The following CCDC201 variants were observed in gnomAD, a reference collection of about 807,000 sequenced individuals.
CCDC201 encodes the protein coiled-coil domain-containing protein 201.
upstream of CCDC201, among the ~76,000 whole-genome samples, chr7:45,877,301 C>T (rs1583656000): frequency 6.6e-6 from 1 of 152,182 alleles, no homozygotes; most frequent in South Asian, 2.1e-4. Context: ...CAACAGATAA[C>T]ATGTTGTTTT....
At chr7:45,869,395 G>A (rs1553009) in intron 1 of CCDC201, among the ~76,000 whole-genome samples, 23,765 of 152,212 alleles carry the variant, frequency 0.16, 2,165 homozygotes, top group East Asian at 0.27. Context: ...ACAATGAGGT[G>A]TGAACTAGAG....
At chr7:45,884,616 C>T in the CCDC201 span, among the ~76,000 whole-genome samples, 1 of 152,172 alleles carries the variant, frequency 6.6e-6, no homozygotes, top group Non-Finnish European at 1.5e-5. Context: ...CTCTTCCCAG[C>T]TGTCTGCTGT....
chr7:45,869,101 A>C (rs371847713), intron 1 of CCDC201, among the ~76,000 whole-genome samples: 1 of 152,238 alleles, frequency 6.6e-6, no homozygotes, highest in African/African-American at 2.4e-5. Context: ...AAACATGCAC[A>C]ATAGAATATT....
At chr7:45,864,754 C>G (rs1786650778) in intron 2 of CCDC201, among the ~76,000 whole-genome samples, 2 of 152,030 alleles carry the variant, frequency 1.3e-5, no homozygotes, top group Admixed American at 1.3e-4. Flanking sequence ...CATGCAGTAA[C>G]CTCGGAAGAC....
upstream of CCDC201, among the ~76,000 whole-genome samples, chr7:45,874,889 A>G (rs2116529369): frequency 6.6e-6 from 1 of 152,344 alleles, no homozygotes; most frequent in African/African-American, 2.4e-5. Context: ...TGAACCAGCA[A>G]TTCCACTTGT....
chr7:45,863,876 T>C (rs1786633089), intron 2 of CCDC201, among the ~76,000 whole-genome samples: 1 of 151,990 alleles, frequency 6.6e-6, no homozygotes, highest in Non-Finnish European at 1.5e-5. Flanking sequence ...GAGGGCCAGC[T>C]GTAAGAGCAG....
chr7:45,882,535 T>C, the CCDC201 span, among the ~76,000 whole-genome samples: 48 of 152,306 alleles, frequency 3.2e-4, no homozygotes, highest in African/African-American at 9.6e-4. Context: ...GCTAACACAA[T>C]TGTCAGAGTT....
intron 1 of CCDC201, among the ~76,000 whole-genome samples, chr7:45,870,606 T>C (rs1247094814): frequency 6.6e-6 from 1 of 152,056 alleles, no homozygotes; most frequent in Non-Finnish European, 1.5e-5. Flanking sequence ...TACAGTGTAA[T>C]AAAACCCAAA....
At chr7:45,878,939 G>T in the CCDC201 span, among the ~76,000 whole-genome samples, 2 of 152,104 alleles carry the variant, frequency 1.3e-5, no homozygotes, top group African/African-American at 2.4e-5. Flanking sequence ...TAATCTCTTT[G>T]CACATGCATA....
At chr7:45,867,560 T>C (rs1178451866) in intron 1 of CCDC201, among the ~76,000 whole-genome samples, 1 of 152,236 alleles carries the variant, frequency 6.6e-6, no homozygotes, top group African/African-American at 2.4e-5. Flanking sequence ...GCCAATACCG[T>C]ATAATTAGCA....
intron 2 of CCDC201, among the ~76,000 whole-genome samples, chr7:45,865,739 A>G (rs962645921): frequency 6.6e-6 from 1 of 152,206 alleles, no homozygotes; most frequent in African/African-American, 2.4e-5. Flanking sequence ...TGAGGCCAGG[A>G]AGCTCATGTT....
chr7:45,870,817 T>C (rs1272708441), intron 1 of CCDC201, among the ~76,000 whole-genome samples: 1 of 151,906 alleles, frequency 6.6e-6, no homozygotes, highest in East Asian at 1.9e-4. Flanking sequence ...AACAACAAAA[T>C]CAAAATCCCA....
At chr7:45,873,718 A>G (rs1316684845), upstream of CCDC201, among the ~76,000 whole-genome samples, 1 of 152,230 alleles carries the variant, frequency 6.6e-6, no homozygotes, top group East Asian at 1.9e-4. Context: ...TTACCAATCT[A>G]TACTAAAGCT....
chr7:45,864,103 C>CA (rs1380281431), intron 2 of CCDC201, among the ~76,000 whole-genome samples: 1 of 152,164 alleles, frequency 6.6e-6, no homozygotes, highest in Non-Finnish European at 1.5e-5. Flanking sequence ...TATGTCCGTC[C>CA]ACAGAGGGTG....
At chr7:45,872,811 A>C (rs1786756684) in intron 1 of CCDC201, among the ~76,000 whole-genome samples, 179 bp downstream of exon 1, 1 of 152,136 alleles carries the variant, frequency 6.6e-6, no homozygotes, top group Non-Finnish European at 1.5e-5. Flanking sequence ...TGCCCAACCC[A>C]CAGGCCACCA....
the CCDC201 span, among the ~76,000 whole-genome samples, chr7:45,883,036 C>T: frequency 6.6e-6 from 1 of 152,124 alleles, no homozygotes; most frequent in Non-Finnish European, 1.5e-5. Flanking sequence ...GGTGATGAGA[C>T]CTACTGGCAA....
chr7:45,875,034 G>T (rs1471086833), upstream of CCDC201, among the ~76,000 whole-genome samples: 1 of 152,218 alleles, frequency 6.6e-6, no homozygotes, highest in South Asian at 2.1e-4. Flanking sequence ...AAATAAATTA[G>T]AATGAGTCTG....
chr7:45,872,395 A>G (rs1786751712), intron 1 of CCDC201, among the ~76,000 whole-genome samples: 1 of 152,236 alleles, frequency 6.6e-6, no homozygotes, highest in African/African-American at 2.4e-5. Context: ...CTACTTCTGC[A>G]GGATGGCATT....
At chr7:45,860,739 G>T (rs1786588815) in exon 3 of CCDC201, 1 of 152,204 alleles carries the variant, frequency 6.6e-6, no homozygotes, top group Non-Finnish European at 1.5e-5. Flanking sequence ...GCCAAACAGA[G>T]ACTCAGTTCC....
Sources: allele counts gnomAD v4.1 joint callset (sites outside exome capture counted in the v4.1 genomes callset), GRCh38; gene constraint gnomAD v4.1.1; transcripts MANE v1.5; gene names NCBI Gene and HGNC (gene_info 2026-07-23, HGNC 2026-07-21).